The following NEDD4L variants were observed in gnomAD, a reference collection of about 807,000 sequenced individuals.
NEDD4L encodes the protein NEDD4 like E3 ubiquitin protein ligase.
Under a neutral mutation model 148.9 loss-of-function variants are expected in NEDD4L, and 54 were observed. That is an observed-to-expected ratio of 0.36 (90% CI 0.29 to 0.45). The LOEUF (loss-of-function observed/expected upper bound fraction) is 0.45, where lower values mean the gene tolerates loss of function less well. Among genes scored for constraint, NEDD4L ranks in the 20% least tolerant of loss-of-function variants. The probability of loss-of-function intolerance (pLI) is 1.00; values close to 1 mark genes in which losing one functional copy is unlikely to be tolerated. For missense variants in NEDD4L, 856 were observed against 1,233.8 expected, an observed-to-expected ratio of 0.69 and a Z score of 4.59; for synonymous variants, 433 against 440.7, an observed-to-expected ratio of 0.98 and a Z score of 0.22.
At chr18:58,324,713 G>A (rs536240303) in intron 8 of NEDD4L, among the ~76,000 whole-genome samples, 25 of 152,332 alleles carry the variant, frequency 1.6e-4, no homozygotes, top group Admixed American at 4.6e-4. Context: ...TAGTGTCACC[G>A]ACTGTGCAGA....
chr18:58,282,040 A>G (rs2053211536), intron 5 of NEDD4L, among the ~76,000 whole-genome samples: 1 of 151,586 alleles, frequency 6.6e-6, no homozygotes, highest in Non-Finnish European at 1.5e-5. Flanking sequence ...AAAAAAAAGC[A>G]AACAAAATAA....
chr18:58,073,582 A>G (rs1398705536), intron 1 of NEDD4L, among the ~76,000 whole-genome samples: 3 of 152,216 alleles, frequency 2.0e-5, no homozygotes, highest in Non-Finnish European at 4.4e-5. Context: ...AACCTTGAAA[A>G]CGTATGGTAG....
chr18:58,207,324 T>C (rs1309217124), intron 2 of NEDD4L, among the ~76,000 whole-genome samples: 2 of 151,784 alleles, frequency 1.3e-5, no homozygotes, highest in African/African-American at 4.8e-5. Context: ...GAGATTTTTT[T>C]TTTTTTCTGG....
chr18:58,155,314 T>TA (rs561916350), intron 1 of NEDD4L, among the ~76,000 whole-genome samples: 23,008 of 136,184 alleles, frequency 0.17, 1,910 homozygotes, highest in East Asian at 0.22. Context: ...GTTTTAAGTT[T>TA]AAAAAAAAAA....
At chr18:58,244,390 G>C (rs1305922130) in intron 2 of NEDD4L, among the ~76,000 whole-genome samples, 1 of 152,166 alleles carries the variant, frequency 6.6e-6, no homozygotes, top group Non-Finnish European at 1.5e-5. Context: ...GTGATATTTT[G>C]ATTAGATTTG....
At chr18:58,090,084 C>G (rs2083983624) in intron 1 of NEDD4L, among the ~76,000 whole-genome samples, 1 of 152,142 alleles carries the variant, frequency 6.6e-6, no homozygotes, top group Non-Finnish European at 1.5e-5. Flanking sequence ...GTGATCTGCT[C>G]ACCTCGTCCT....
chr18:58,179,720 T>G (rs1320634598), intron 2 of NEDD4L, among the ~76,000 whole-genome samples: 1 of 151,928 alleles, frequency 6.6e-6, no homozygotes, highest in Non-Finnish European at 1.5e-5. Context: ...TAACGCCTGA[T>G]GATCCGTCAC....
chr18:58,356,111 C>T (rs2044606870), intron 18 of NEDD4L, among the ~76,000 whole-genome samples: 1 of 151,812 alleles, frequency 6.6e-6, no homozygotes, highest in Non-Finnish European at 1.5e-5. Context: ...CACCACCACA[C>T]CTGGCTAATT....
intron 18 of NEDD4L, among the ~76,000 whole-genome samples, chr18:58,353,070 T>C (rs1336191157): frequency 2.7e-5 from 4 of 148,862 alleles, no homozygotes; most frequent in African/African-American, 1.0e-4. Flanking sequence ...TCTTAGGAAG[T>C]TGTTGTGCTT....
intron 1 of NEDD4L, among the ~76,000 whole-genome samples, chr18:58,113,931 C>T (rs760481046): frequency 2.0e-5 from 3 of 152,112 alleles, no homozygotes; most frequent in African/African-American, 4.8e-5. Context: ...GTGGGGGCTG[C>T]GGCTAGGGAC....
At position 58,114,363 on chromosome 18, in the gene NEDD4L, C is replaced by T. The variant is rs905920471; in HGVS notation, c.49-51425C>T. On this transcript the variant is annotated intron_variant, in intron 1 of 30. Coordinates refer to ENST00000400345, the MANE Select transcript of NEDD4L (RefSeq NM_001144967.3). ...TTTAAAAAAAATATATATATATATA[C>T]ACACACACACACACATACACACATA... 1.7e-4 allele frequency among the ~76,000 whole-genome samples: 25 copies of T among 149,942 alleles called. No individual in the cohort carries two copies. In the South Asian group the frequency reaches 1.9e-3, roughly 11 times the overall value.
chr18:58,174,749 G>A (rs1213122752), intron 2 of NEDD4L, among the ~76,000 whole-genome samples: 4 of 152,038 alleles, frequency 2.6e-5, no homozygotes, highest in Admixed American at 2.6e-4. Context: ...GTAAATGTGG[G>A]GGCAGTCTCA....
At chr18:58,357,660 A>G (rs1231587464) in intron 19 of NEDD4L, among the ~76,000 whole-genome samples, 1 of 152,214 alleles carries the variant, frequency 6.6e-6, no homozygotes, top group Non-Finnish European at 1.5e-5. Context: ...ACAACTTTCA[A>G]AAATCTGTAG....
chr18:58,341,283 G>T lies in NEDD4L; in HGVS notation c.1257+114G>T, dbSNP rs528007782. 6.5e-6 allele frequency: 8 copies of T among 1,229,438 alleles called. No homozygotes were observed. The Admixed American group carries it at 8.5e-5, about 13-fold the overall frequency. The allele number at this position is 1,229,438 out of a possible 1,614,324, so 76.2% of individuals were successfully genotyped here. ...TTCTGAAAGACCCGTATTTGTAAAA[G>T]CTTTCTCACAAAGAAAATGCATTAC... On this transcript the variant is annotated intron_variant, in intron 14 of 30. Coordinates refer to ENST00000400345, the MANE Select transcript of NEDD4L (RefSeq NM_001144967.3).
At chr18:58,234,081 CTTTCTTTCTTTCTTTCTTTCT>C (rs1457163911) in intron 2 of NEDD4L, among the ~76,000 whole-genome samples, 257 of 94,584 alleles carry the variant, frequency 2.7e-3, no homozygotes, top group African/African-American at 9.3e-3. Flanking sequence ...TTCTTTCTTT[CTTTCTTTCTTTCTTTCTTTCT>C]TTTCTTTTCT....
In NEDD4L at chr18:58,072,870, G is replaced by GCACA. The variant is rs761077798; in HGVS notation, c.48+28163_48+28164insACAC. On this transcript the variant is annotated intron_variant, in intron 1 of 30. Transcript: ENST00000400345. ...AGAAAATCCTAAGGCGCGCGCGCGC[G>GCACA]CGCACACACACACACACACACACAC... Among the ~76,000 whole-genome samples the GCACA allele has an allele frequency of 7.0e-3, 747 of 106,454 alleles. 5 individuals carry two copies. Among genetic ancestry groups the GCACA allele is most frequent in the Admixed American group, 7.7e-3 (70 of 9,116 alleles). 69.8% of individuals were successfully genotyped at this position (106,454 alleles called of 152,430 possible).
intron 2 of NEDD4L, among the ~76,000 whole-genome samples, chr18:58,235,658 T>G (rs1016309130): frequency 4.6e-5 from 7 of 152,174 alleles, no homozygotes; most frequent in Admixed American, 4.6e-4. Flanking sequence ...TGGCCAGAAC[T>G]GTTTTCAGTT....
At chr18:58,383,400 A>T in intron 25 of NEDD4L, 81 bp downstream of exon 25, 1 of 791,058 alleles carries the variant, frequency 1.3e-6, no homozygotes, top group Non-Finnish European at 2.1e-6. Context: ...GAAACAGCTC[A>T]TGCATTTATT....
chr18:58,175,837 C>T (rs1001508753), intron 2 of NEDD4L, among the ~76,000 whole-genome samples: 4 of 152,234 alleles, frequency 2.6e-5, no homozygotes, highest in Non-Finnish European at 5.9e-5. Context: ...ACCTCCTAGT[C>T]TTTAAGTATA....
Sources: allele counts gnomAD v4.1 joint callset (sites outside exome capture counted in the v4.1 genomes callset), GRCh38; gene constraint gnomAD v4.1.1; transcripts MANE v1.5; gene names NCBI Gene and HGNC (gene_info 2026-07-23, HGNC 2026-07-21).